Variants in PDXDC1 observed in about 807,000 individuals in gnomAD.
PDXDC1 encodes the protein pyridoxal dependent decarboxylase domain containing 1, also known as pyridoxal-dependent decarboxylase domain-containing protein 1.
Under a neutral mutation model 100.1 loss-of-function variants are expected in PDXDC1, and 42 were observed. That is an observed-to-expected ratio of 0.42 (90% CI 0.33 to 0.54). The LOEUF is 0.54. Ranked by LOEUF, PDXDC1 falls within the 20% of genes least tolerant of loss-of-function variation. The pLI, the probability that PDXDC1 is intolerant of heterozygous loss-of-function variation, is 0.10. For synonymous variants in PDXDC1, 260 were observed against 371.7 expected (o/e 0.70, Z 3.46); for missense variants, 636 against 979.2 (o/e 0.65, Z 4.68).
At chr16:15,113,260 A>C (rs1274297073) in intron 16 of PDXDC1, among the ~76,000 whole-genome samples, 1 of 11,594 alleles carries the variant, frequency 8.6e-5, no homozygotes, top group East Asian at 1.9e-3. Context: ...TTTATACCAA[A>C]AATTCTCTGT....
chr16:15,031,879 C>T lies in PDXDC1; in HGVS notation c.1544C>T (p.Pro515Leu). 6.2e-7 allele frequency: 1 copy of T among 1,612,724 alleles called. No individual in the cohort carries two copies. The highest frequency in any genetic ancestry group is 1.1e-5 in the South Asian group (1 of 90,818). The change falls in exon 17 of 23, where the codon CCT (proline) becomes CTT (leucine). Residue 515 changes from proline (P) to leucine (L), a missense_variant. Pro to Leu is a moderately conservative substitution (Grantham distance 98). This residue lies in a region of PDXDC1 where 452 missense variants were observed against 402.9 expected (regional missense o/e 1.12). Coordinates refer to ENST00000396410, the MANE Select transcript of PDXDC1 (RefSeq NM_015027.4). ...GCAGGTCTCCTATATGTTGATGACC[C>T]TAACTGGTCTGGAATAGGGGTTGTC... ...ATAGLLYVDD[P>L]NWSGIGVVRY...
chr16:15,074,731 T>C (rs748520499), intron 16 of PDXDC1: 8 of 1,613,572 alleles, frequency 5.0e-6, no homozygotes, highest in East Asian at 4.5e-5. Flanking sequence ...ACCATCTACA[T>C]AGCAGACATC....
chr16:15,056,048 C>CGCCCCT, intron 16 of PDXDC1: 1 of 607,678 alleles, frequency 1.6e-6, no homozygotes. Context: ...CCGCCGCCCC[C>CGCCCCT]GCCCCTCGGG....
At chr16:15,032,002 C>A (rs1361024365) in intron 17 of PDXDC1, 96 bp downstream of exon 17, 3 of 1,083,688 alleles carry the variant, frequency 2.8e-6, no homozygotes, top group African/African-American at 1.6e-5. Context: ...CCAAGATGAA[C>A]GTGTAGTCAC....
chr16:15,074,726 C>T (rs1386680214), intron 16 of PDXDC1: 1 of 1,612,240 alleles, frequency 6.2e-7, no homozygotes. Context: ...GATTTACCAT[C>T]TACATAGCAG....
intron 6 of PDXDC1, among the ~76,000 whole-genome samples, chr16:15,008,506 G>A (rs1359011608): frequency 1.3e-5 from 2 of 152,126 alleles, no homozygotes; most frequent in Non-Finnish European, 2.9e-5. Context: ...AGTGTTTCTG[G>A]TATATTCTAG....
chr16:15,033,408 C>T lies in PDXDC1; in HGVS notation c.1812+9C>T, dbSNP rs1302258805. The T allele has an allele frequency of 1.9e-6, 3 of 1,613,416 alleles. No homozygotes were observed. The highest frequency in any genetic ancestry group is 1.7e-5 in the Admixed American group (1 of 59,994). On this transcript the variant is annotated intron_variant, in intron 19 of 22. Coordinates refer to ENST00000396410, the MANE Select transcript of PDXDC1 (RefSeq NM_015027.4). The stretch of plus-strand genomic sequence containing the variant: ...TAGAGGAGAACTCGAGGGTCCGTAG[C>T]ACCCATCAGTGTTCATTCCTCTTCT...
chr16:15,124,945 G>C (rs1466050422), intron 16 of PDXDC1, among the ~76,000 whole-genome samples: 2 of 150,902 alleles, frequency 1.3e-5, no homozygotes, highest in Non-Finnish European at 3.0e-5. Flanking sequence ...TTAGGAGTTC[G>C]AGACCAGCCT....
chr16:15,047,412 A>C (rs745540384), intron 16 of PDXDC1: 4 of 1,396,156 alleles, frequency 2.9e-6, no homozygotes, highest in Middle Eastern at 1.8e-4. Context: ...CAAGATCTCA[A>C]TTCACCTATG....
At chr16:15,062,323 A>G (rs28369433) in intron 16 of PDXDC1, among the ~76,000 whole-genome samples, 2,847 of 152,262 alleles carry the variant, frequency 0.019, 90 homozygotes, top group African/African-American at 0.064. Context: ...CAGTGTTAGG[A>G]ACTCTTGTAC....
chr16:15,113,224 A>G (rs1383311129), intron 16 of PDXDC1, among the ~76,000 whole-genome samples: 1 of 16,004 alleles, frequency 6.2e-5, no homozygotes, highest in African/African-American at 1.3e-4. Flanking sequence ...TGAGAAAAGA[A>G]AAAAAAAAAA....
intron 7 of PDXDC1, among the ~76,000 whole-genome samples, chr16:15,009,064 T>C (rs1357513085): frequency 6.6e-6 from 1 of 152,292 alleles, no homozygotes; most frequent in Non-Finnish European, 1.5e-5. Flanking sequence ...AGGAGTCTTG[T>C]AATTACTGTA....
chr16:15,127,371 T>C lies in PDXDC1; in HGVS notation c.1400-11508T>C, dbSNP rs572360447. 30 of 904,706 alleles carry C rather than the reference T, an allele frequency of 3.3e-5. No homozygotes were observed. The East Asian group carries it at 6.9e-4, about 21-fold the overall frequency. The allele number at this position is 904,706 out of a possible 1,614,324, so 56.0% of individuals were successfully genotyped here. A position where few individuals can be genotyped will look rare whatever the true frequency, so the allele number is the denominator to read the frequency against. On this transcript the variant is annotated intron_variant, in intron 16 of 16. Transcript: ENST00000535621. ...TCCCGAGCAGCCTTTGGTGGACGCC[T>C]TTCCCTCTGGCTGCAGCACTGGAAA...
In PDXDC1 at chr16:15,135,196, C is replaced by T. The variant is rs930922728; in HGVS notation, c.1400-3683C>T. On this transcript the variant is annotated intron_variant, in intron 16 of 16. Coordinates refer to the PDXDC1 transcript ENST00000535621. ...GAGAGGGAAGAGCGCGCGGCCTCCA[C>T]CAGCACTAAAACACGGAAAACAGTA... The T allele has an allele frequency of 1.0e-5, 8 of 802,474 alleles. No homozygotes were observed. The African/African-American group carries it at 1.1e-4, about 11-fold the overall frequency. The allele number at this position is 802,474 out of a possible 1,614,324, so 49.7% of individuals were successfully genotyped here.
In PDXDC1 at chr16:15,074,737, A is replaced by G. The variant is rs770004827; in HGVS notation, c.1399+44681A>G. On this transcript the variant is annotated intron_variant, in intron 16 of 16. Transcript: ENST00000535621. ...CTGTGATTTACCATCTACATAGCAG[A>G]CATCCTTCATGTAGGACAAAACCAA... The G allele has an allele frequency of 1.5e-5, 25 of 1,613,800 alleles. 1 individual carries two copies. The South Asian group carries it at 2.5e-4, about 16-fold the overall frequency.
chr16:15,098,905 A>G (rs1376651912), intron 16 of PDXDC1, among the ~76,000 whole-genome samples: 1 of 152,106 alleles, frequency 6.6e-6, no homozygotes, highest in Non-Finnish European at 1.5e-5. Flanking sequence ...TGTCCACAGC[A>G]AAGAATCACT....
intron 16 of PDXDC1, chr16:15,092,533 T>C (rs1555464252): frequency 6.2e-7 from 1 of 1,612,950 alleles, no homozygotes; most frequent in Non-Finnish European, 8.5e-7. Context: ...GCAAGACTTC[T>C]GTCACAGTTC....
chr16:15,100,000 G>C (rs1466745092), intron 16 of PDXDC1, among the ~76,000 whole-genome samples: 2 of 152,174 alleles, frequency 1.3e-5, no homozygotes, highest in Non-Finnish European at 2.9e-5. Flanking sequence ...CAAATATATA[G>C]TAAGGTACCA....
intron 16 of PDXDC1, among the ~76,000 whole-genome samples, chr16:15,062,175 C>T (rs1360665814): frequency 1.3e-5 from 2 of 152,138 alleles, no homozygotes; most frequent in East Asian, 3.9e-4. Flanking sequence ...AACAAAAGCT[C>T]CCTCTGATAA....
Sources: allele counts gnomAD v4.1 joint callset (sites outside exome capture counted in the v4.1 genomes callset), GRCh38; gene constraint gnomAD v4.1.1; regional missense constraint gnomAD v4.1.1; transcripts MANE v1.5; gene names NCBI Gene and HGNC (gene_info 2026-07-23, HGNC 2026-07-21).